Variants in MECOM observed in about 807,000 individuals in gnomAD.
MECOM encodes histone-lysine N-methyltransferase MECOM.
MECOM carries 13 observed loss-of-function variants against 116.3 expected under a neutral mutation model. The observed-to-expected ratio is 0.11, with a 90% CI of 0.07 to 0.18. The LOEUF (loss-of-function observed/expected upper bound fraction) is 0.18. Among genes scored for constraint, MECOM ranks in the 10% least tolerant of loss-of-function variants. The probability of loss-of-function intolerance (pLI) is 1.00; values close to 1 mark genes in which losing one functional copy is unlikely to be tolerated. For synonymous variants in MECOM, 528 were observed against 535.2 expected (o/e 0.99, Z 0.19); for missense variants, 1,299 against 1,509.0 (o/e 0.86, Z 2.31).
chr3:169,425,200 G>T (rs1740453089), intron 1 of MECOM, among the ~76,000 whole-genome samples: 2 of 151,616 alleles, frequency 1.3e-5, no homozygotes, highest in African/African-American at 4.9e-5. Flanking sequence ...AGAGGACCTT[G>T]GAGCACTTTC....
intron 1 of MECOM, among the ~76,000 whole-genome samples, chr3:169,562,895 C>T (rs1762816707): frequency 6.6e-6 from 1 of 151,960 alleles, no homozygotes; most frequent in South Asian, 2.1e-4. Context: ...AACCCCATCT[C>T]TACTAAAAAT....
chr3:169,348,482 G>T (rs1209843120), intron 2 of MECOM, among the ~76,000 whole-genome samples: 1 of 151,936 alleles, frequency 6.6e-6, no homozygotes, highest in African/African-American at 2.4e-5. Flanking sequence ...TTAACTATGA[G>T]ATTTCCCTCC....
At chr3:169,593,828 C>A (rs1407722218) in intron 1 of MECOM, among the ~76,000 whole-genome samples, 1 of 152,138 alleles carries the variant, frequency 6.6e-6, no homozygotes, top group Non-Finnish European at 1.5e-5. Flanking sequence ...ATTCAAAAAA[C>A]CACTTTTCTA....
At chr3:169,632,188 G>C (rs1381445398) in intron 1 of MECOM, among the ~76,000 whole-genome samples, 1 of 123,682 alleles carries the variant, frequency 8.1e-6, no homozygotes, top group African/African-American at 3.0e-5. Flanking sequence ...ATTCTGGAGA[G>C]AAATATATAT....
chr3:169,151,651 TAA>T (rs1282861384), intron 2 of MECOM, among the ~76,000 whole-genome samples: 1 of 152,210 alleles, frequency 6.6e-6, no homozygotes, highest in Non-Finnish European at 1.5e-5. Flanking sequence ...GGCTGAACAA[TAA>T]GTGCCTGCTA....
intron 1 of MECOM, among the ~76,000 whole-genome samples, chr3:169,414,756 A>T (rs1738234411): frequency 1.3e-5 from 2 of 152,208 alleles, no homozygotes; most frequent in Non-Finnish European, 2.9e-5. Context: ...TCAATAGCCC[A>T]ATCAATCAAG....
chr3:169,210,316 T>C (rs1054768372), intron 2 of MECOM, among the ~76,000 whole-genome samples: 1 of 152,102 alleles, frequency 6.6e-6, no homozygotes, highest in Non-Finnish European at 1.5e-5. Context: ...ACCTACACAT[T>C]CTGCATTTGT....
chr3:169,572,115 A>T (rs1244894243), intron 1 of MECOM, among the ~76,000 whole-genome samples: 1 of 152,272 alleles, frequency 6.6e-6, no homozygotes, highest in Non-Finnish European at 1.5e-5. Flanking sequence ...AATATCCAGA[A>T]TCTATAAGGA....
At chr3:169,638,078 A>T (rs1773030515) in intron 1 of MECOM, among the ~76,000 whole-genome samples, 1 of 152,218 alleles carries the variant, frequency 6.6e-6, no homozygotes, top group South Asian at 2.1e-4. Flanking sequence ...AAAGTTCCCA[A>T]AGTACTTTAT....
chr3:169,401,193 C>T (rs180915261), intron 1 of MECOM, among the ~76,000 whole-genome samples: 10 of 152,300 alleles, frequency 6.6e-5, no homozygotes, highest in Non-Finnish European at 1.5e-5. Flanking sequence ...GCACGTGATG[C>T]TCACGTAATC....
intron 1 of MECOM, among the ~76,000 whole-genome samples, chr3:169,648,469 G>C (rs974630857): frequency 6.6e-6 from 1 of 152,204 alleles, no homozygotes; most frequent in East Asian, 1.9e-4. Flanking sequence ...CACGGTCTCT[G>C]CTGGTATTTT....
At chr3:169,352,878 A>T (rs1359154205) in intron 2 of MECOM, among the ~76,000 whole-genome samples, 2 of 151,908 alleles carry the variant, frequency 1.3e-5, no homozygotes, top group African/African-American at 2.4e-5. Context: ...TTTCTTGATT[A>T]AAAATGTCCC....
chr3:169,273,164 CTTAGAACACATT>C (rs1446222778), intron 2 of MECOM, among the ~76,000 whole-genome samples: 5 of 152,116 alleles, frequency 3.3e-5, no homozygotes, highest in Non-Finnish European at 5.9e-5. Context: ...TATGTGGGCA[CTTAGAACACATT>C]TTCTATAACA....
chr3:169,495,604 G>A (rs188686313), intron 1 of MECOM, among the ~76,000 whole-genome samples: 1 of 152,262 alleles, frequency 6.6e-6, no homozygotes, highest in East Asian at 1.9e-4. Flanking sequence ...AAGAAATGGA[G>A]AGACTAGCAT....
At chr3:169,479,450 C>T (rs373616062) in intron 1 of MECOM, among the ~76,000 whole-genome samples, 1 of 151,858 alleles carries the variant, frequency 6.6e-6, no homozygotes, top group Admixed American at 6.6e-5. Context: ...GTGGAGGAGA[C>T]GGTCACAAGG....
At chr3:169,371,136 T>C (rs1730031081) in intron 2 of MECOM, among the ~76,000 whole-genome samples, 1 of 151,980 alleles carries the variant, frequency 6.6e-6, no homozygotes, top group South Asian at 2.1e-4. Flanking sequence ...GGATGAATCA[T>C]TTTAAAATGT....
chr3:169,518,940 C>T (rs975394697), intron 1 of MECOM, among the ~76,000 whole-genome samples: 2 of 152,140 alleles, frequency 1.3e-5, no homozygotes, highest in African/African-American at 4.8e-5. Flanking sequence ...TTTGAGGCCT[C>T]CCCAGCCATG....
intron 10 of MECOM, among the ~76,000 whole-genome samples, chr3:169,106,965 G>A (rs894372353): frequency 1.3e-4 from 20 of 151,900 alleles, no homozygotes; most frequent in Admixed American, 9.2e-4. Context: ...AAGTCTATCA[G>A]AATGAGAAAA....
At chr3:169,310,444 A>G (rs1303328749) in intron 2 of MECOM, among the ~76,000 whole-genome samples, 1 of 152,242 alleles carries the variant, frequency 6.6e-6, no homozygotes, top group African/African-American at 2.4e-5. Context: ...AAATTGTGTC[A>G]TCAAACAGGT....
Sources: gnomAD v4.1 joint callset for allele counts (sites outside exome capture counted in the v4.1 genomes callset) on GRCh38, gnomAD v4.1.1 for gene constraint, MANE v1.5 for transcripts, NCBI Gene and HGNC (gene_info 2026-07-23, HGNC 2026-07-21) for gene names.